GREB1L: variants seen among roughly 807,000 people sequenced by gnomAD.
GREB1L encodes GREB1-like protein.
In GREB1L, 17 loss-of-function variants were observed where a neutral mutation model predicts 200.8. The ratio of observed to expected loss-of-function variants is 0.08; its 90% CI spans 0.06 to 0.13. The LOEUF (loss-of-function observed/expected upper bound fraction) is 0.13, where lower values mean the gene tolerates loss of function less well. Ranked by LOEUF, GREB1L falls within the 10% of genes least tolerant of loss-of-function variation. GREB1L has a pLI of 1.00. For synonymous variants in GREB1L, 789 were observed against 893.0 expected (o/e 0.88, Z 2.08); for missense variants, 1,657 against 2,367.7 (o/e 0.70, Z 6.23).
intron 2 of GREB1L, among the ~76,000 whole-genome samples, chr18:21,371,733 G>T (rs1298481326): frequency 2.0e-5 from 3 of 148,312 alleles, no homozygotes; most frequent in Non-Finnish European, 4.4e-5. Flanking sequence ...GCAGTGAGCC[G>T]AGATCACAGC....
chr18:21,480,203 TA>T, intron 17 of GREB1L, among the ~76,000 whole-genome samples: 2 of 152,246 alleles, frequency 1.3e-5, no homozygotes, highest in East Asian at 3.9e-4. Context: ...ATACAAAAAT[TA>T]GCTGGGTGTG....
Position 21,369,183 on chromosome 18 carries a change from A to G in GREB1L, c.-10+3047A>G, listed in dbSNP as rs572919683. ...TATGCAGATTTTAATGATTGTTGTG[A>G]TAAATCCCCAGAAGTTTGTTTTCGG... On this transcript the variant is annotated intron_variant, in intron 2 of 32. Transcript: ENST00000424526. 6.6e-5 allele frequency among the ~76,000 whole-genome samples: 10 copies of G among 152,298 alleles called. 1 individual carries two copies. In the East Asian group the frequency reaches 1.7e-3, roughly 26 times the overall value.
chr18:21,338,675 A>G (rs2039223762), intron 1 of GREB1L, among the ~76,000 whole-genome samples: 1 of 152,226 alleles, frequency 6.6e-6, no homozygotes, highest in Admixed American at 6.5e-5. Context: ...GTTTCTTCCT[A>G]GGATTCTCCT....
intron 1 of GREB1L, among the ~76,000 whole-genome samples, chr18:21,346,334 A>C (rs529719160): frequency 6.6e-6 from 1 of 151,970 alleles, no homozygotes. Context: ...TTACTTCCTC[A>C]CAAGCCCCTA....
At chr18:21,318,105 CAAAA>C (rs61304976) in intron 1 of GREB1L, among the ~76,000 whole-genome samples, 5 of 89,658 alleles carry the variant, frequency 5.6e-5, no homozygotes, top group African/African-American at 1.5e-4. Flanking sequence ...GAGATTCCGT[CAAAA>C]AAAAAAAAAA....
intron 1 of GREB1L, among the ~76,000 whole-genome samples, chr18:21,253,249 ATTTTTTTT>A (rs66924517): frequency 7.9e-6 from 1 of 127,162 alleles, no homozygotes; most frequent in African/African-American, 3.0e-5. Context: ...TATTTCAAGA[ATTTTTTTT>A]TTTTTTTTTT....
chr18:21,249,227 C>T (rs2037659088), intron 1 of GREB1L, among the ~76,000 whole-genome samples: 1 of 151,910 alleles, frequency 6.6e-6, no homozygotes, highest in Non-Finnish European at 1.5e-5. Context: ...ATGAGTATGA[C>T]AGAGCTTTCC....
intron 1 of GREB1L, among the ~76,000 whole-genome samples, chr18:21,292,017 A>G (rs2038458123): frequency 6.6e-6 from 1 of 152,214 alleles, no homozygotes; most frequent in African/African-American, 2.4e-5. Context: ...GGTTTTAAGT[A>G]TAGAACAACA....
chr18:21,477,111 C>A, intron 16 of GREB1L, 53 bp from the exon 17 acceptor site: 1 of 1,207,816 alleles, frequency 8.3e-7, no homozygotes, highest in Non-Finnish European at 1.2e-6. Flanking sequence ...GTGTCTGATT[C>A]TATATCTACT....
intron 1 of GREB1L, among the ~76,000 whole-genome samples, chr18:21,245,934 C>T (rs936976048): frequency 6.6e-6 from 1 of 152,130 alleles, no homozygotes; most frequent in African/African-American, 2.4e-5. Flanking sequence ...GCAGGATGGT[C>T]TCGATCTCAT....
intron 1 of GREB1L, among the ~76,000 whole-genome samples, chr18:21,356,229 C>T (rs1301353344): frequency 6.6e-6 from 1 of 151,778 alleles, no homozygotes; most frequent in Non-Finnish European, 1.5e-5. Flanking sequence ...GTGAGCTGCC[C>T]ACCTCAGCCT....
chr18:21,284,341 C>T (rs563139024), intron 1 of GREB1L, among the ~76,000 whole-genome samples: 1 of 152,278 alleles, frequency 6.6e-6, no homozygotes, highest in East Asian at 1.9e-4. Flanking sequence ...TCATTACTCC[C>T]CAAATCCCCT....
rs1280120863 is a variant in GREB1L at position 21,485,747 on chromosome 18, T to C, written c.2684T>C (p.Leu895Ser). 1 of 1,551,502 alleles carries C rather than the reference T, an allele frequency of 6.4e-7. No individual in the cohort carries two copies. The highest frequency in any genetic ancestry group is 2.0e-5 in the Admixed American group (1 of 50,968). Residue 895 changes from leucine to serine, a missense_variant, in exon 18 of 33, where the codon TTG (leucine) becomes TCG (serine). Physicochemically the swap from Leu to Ser is moderately radical, Grantham distance 145 (BLOSUM62 -2). Coordinates refer to ENST00000424526, the MANE Select transcript of GREB1L (RefSeq NM_001142966.3). ...TTTGAAAAAATGGTGAACACACTCT[T>C]GGAGAGGTAAATAGTAAATAAGGCC... ...ETFEKMVNTL[L>S]ERYPRLHSMV...
At chr18:21,394,535 A>T (rs566707156) in intron 4 of GREB1L, among the ~76,000 whole-genome samples, 1 of 152,318 alleles carries the variant, frequency 6.6e-6, no homozygotes, top group South Asian at 2.1e-4. Context: ...GAATTCATAT[A>T]ATACATTATG....
At chr18:21,474,860 C>T (rs1294433987) in intron 16 of GREB1L, among the ~76,000 whole-genome samples, 1 of 152,170 alleles carries the variant, frequency 6.6e-6, no homozygotes, top group Non-Finnish European at 1.5e-5. Context: ...GCAAATTTCT[C>T]CAGCCAGAAA....
chr18:21,329,880 G>C (rs1297935432), intron 1 of GREB1L, among the ~76,000 whole-genome samples: 2 of 149,798 alleles, frequency 1.3e-5, no homozygotes, highest in African/African-American at 4.9e-5. Flanking sequence ...ACTCTTTCTT[G>C]ATTTCCAGAT....
At chr18:21,292,878 C>A (rs1039124671) in intron 1 of GREB1L, among the ~76,000 whole-genome samples, 35 of 152,274 alleles carry the variant, frequency 2.3e-4, no homozygotes, top group African/African-American at 8.4e-4. Context: ...GGTTTTTTAA[C>A]TTGGAGAAGC....
chr18:21,341,426 C>T (rs183959919), intron 1 of GREB1L, among the ~76,000 whole-genome samples: 43 of 152,340 alleles, frequency 2.8e-4, no homozygotes, highest in Non-Finnish European at 4.1e-4. Context: ...CCCTTGTCCT[C>T]TGTCAAACAA....
intron 1 of GREB1L, among the ~76,000 whole-genome samples, chr18:21,363,270 CA>C (rs2039605751): frequency 1.7e-4 from 10 of 59,056 alleles, no homozygotes; most frequent in African/African-American, 2.2e-4. Flanking sequence ...CCCCTGCCCC[CA>C]CTCCGCCTCC....
Sources: allele counts gnomAD v4.1 joint callset (sites outside exome capture counted in the v4.1 genomes callset), GRCh38; gene constraint gnomAD v4.1.1; transcripts MANE v1.5; gene names NCBI Gene and HGNC (gene_info 2026-07-23, HGNC 2026-07-21).